The following ARHGAP29 variants were observed in gnomAD, a reference collection of about 807,000 sequenced individuals.
The protein encoded by ARHGAP29 is rho GTPase-activating protein 29.
A neutral mutation model predicts 122.6 loss-of-function variants in ARHGAP29; 43 were observed. The ratio of observed to expected loss-of-function variants is 0.35; its 90% CI spans 0.27 to 0.45. ARHGAP29 has a LOEUF of 0.45. Among genes scored for constraint, ARHGAP29 ranks in the 20% least tolerant of loss-of-function variants. The pLI is 1.00. For synonymous variants in ARHGAP29, 506 were observed against 497.1 expected, an observed-to-expected ratio of 1.02 and a Z score of -0.24; for missense variants, 1,303 against 1,477.2, an observed-to-expected ratio of 0.88 and a Z score of 1.93.
In ARHGAP29 at chr1:94,177,588, T is replaced by C. The variant is rs763138238; in HGVS notation, c.2905+24A>G. The C allele has an allele frequency of 3.2e-6, 3 of 934,636 alleles. No individual in the cohort carries two copies. The South Asian group carries it at 6.7e-5, about 21-fold the overall frequency. The allele number at this position is 934,636 out of a possible 1,614,324, so 57.9% of individuals were successfully genotyped here. On this transcript the variant is annotated intron_variant, in intron 22 of 22. Transcript: ENST00000260526. ...GTAAAATTTTAAGCCAGCAAACATA[T>C]TTTTTTTTTACATGGCTACTCACCA...
At position 94,170,897 on chromosome 1, in the gene ARHGAP29, A is replaced by C. The variant is rs1648695332; in HGVS notation, c.*2972T>G. On this transcript the variant is annotated 3_prime_UTR_variant, in exon 23 of 23. Transcript: ENST00000260526. The stretch of plus-strand genomic sequence containing the variant: ...TGATATTGAAGAGATCTTTCTAAAA[A>C]CTTCCATTTCTGTTAGTTGCTGATA... Among the ~76,000 whole-genome samples the C allele has an allele frequency of 1.3e-5, 2 of 152,150 alleles. No individual in the cohort carries two copies. Among genetic ancestry groups the C allele is most frequent in the African/African-American group, 2.4e-5 (1 of 41,446 alleles).
At chr1:94,242,916 C>CTATACTTTGG (rs1173685255) in intron 1 of ARHGAP29, among the ~76,000 whole-genome samples, 4 of 151,834 alleles carry the variant, frequency 2.6e-5, no homozygotes, top group Non-Finnish European at 5.9e-5. Context: ...CAAAGTAGCT[C>CTATACTTTGG]TATAATATAG....
At chr1:94,237,588 GCCGCCACCGCCCCTGCAGCTA>G, upstream of ARHGAP29, 1 of 989,462 alleles carries the variant, frequency 1.0e-6, no homozygotes, top group Non-Finnish European at 1.2e-6. Flanking sequence ...CACCACTGCA[GCCGCCACCGCCCCTGCAGCTA>G]CCGCCACGGC....
intron 1 of ARHGAP29, among the ~76,000 whole-genome samples, chr1:94,236,032 G>C (rs1330835222): frequency 6.6e-6 from 1 of 152,160 alleles, no homozygotes; most frequent in African/African-American, 2.4e-5. Context: ...AGATATTTCA[G>C]AAATCTGCTA....
At position 94,177,659 on chromosome 1, in the gene ARHGAP29, G is replaced by A; in HGVS notation, c.2858C>T (p.Ser953Leu). 6.2e-7 allele frequency: 1 copy of A among 1,613,240 alleles called. No homozygotes were observed. The highest frequency in any genetic ancestry group is 8.5e-7 in the Non-Finnish European group (1 of 1,179,742). ...IFERATSFEESERKQNALGKC... is the reference protein window; with the variant it reads ...IFERATSFEELERKQNALGKC... ...TCCTAACGCATTTTGCTTGCGTTCT[G>A]ATTCCTCAAATGATGTAGCTCGTTC... The change falls in exon 22 of 23, where the codon TCA (serine) becomes TTA (leucine). Residue 953 changes from serine to leucine, a missense_variant. By Grantham distance (145) the Ser-to-Leu change is moderately radical. Transcript: ENST00000260526.
intron 14 of ARHGAP29, 66 bp from the exon 15 acceptor site, chr1:94,189,007 T>G (rs1343255631): frequency 6.8e-7 from 1 of 1,479,984 alleles, no homozygotes; most frequent in East Asian, 2.3e-5. Flanking sequence ...AATACTGACA[T>G]TCTATCAAGT....
the ARHGAP29 span, among the ~76,000 whole-genome samples, chr1:94,310,061 TA>T: frequency 2.6e-5 from 4 of 152,134 alleles, no homozygotes; most frequent in African/African-American, 9.7e-5. Context: ...AAAATGTCAT[TA>T]AGAATTTTAG....
At chr1:94,257,804 A>G (rs575818373) in intron 1 of ARHGAP29, among the ~76,000 whole-genome samples, 1 of 152,288 alleles carries the variant, frequency 6.6e-6, no homozygotes, top group Admixed American at 6.5e-5. Flanking sequence ...AGCAGCAAGG[A>G]CTAGTTAATA....
At chr1:94,241,643 TA>T (rs1037140159), upstream of ARHGAP29, among the ~76,000 whole-genome samples, 171 of 69,124 alleles carry the variant, frequency 2.5e-3, no homozygotes, top group African/African-American at 6.9e-3. Flanking sequence ...TATATATAAT[TA>T]TATATATATC....
chr1:94,187,024 A>G (rs1472896175), intron 15 of ARHGAP29, among the ~76,000 whole-genome samples: 9 of 152,232 alleles, frequency 5.9e-5, no homozygotes, highest in African/African-American at 2.2e-4. Context: ...AGCTTTCTAC[A>G]ACATACAAAA....
chr1:94,275,454 T>C (rs1655147426), upstream of ARHGAP29, among the ~76,000 whole-genome samples: 1 of 152,142 alleles, frequency 6.6e-6, no homozygotes, highest in South Asian at 2.1e-4. Context: ...TGGTCAGGAG[T>C]TCCTCTTTGT....
chr1:94,210,002 G>A (rs1345584288), intron 3 of ARHGAP29, among the ~76,000 whole-genome samples: 2 of 152,130 alleles, frequency 1.3e-5, no homozygotes, highest in African/African-American at 2.4e-5. Context: ...TTACAATAGA[G>A]ATATTCTAAT....
intron 3 of ARHGAP29, among the ~76,000 whole-genome samples, chr1:94,218,244 G>A (rs1343744595): frequency 6.6e-6 from 1 of 152,106 alleles, no homozygotes; most frequent in Non-Finnish European, 1.5e-5. Context: ...TATTTAAAGT[G>A]TTCTAGTCTC....
At chr1:94,224,427 T>C (rs111886494) in intron 2 of ARHGAP29, among the ~76,000 whole-genome samples, 30 of 152,192 alleles carry the variant, frequency 2.0e-4, no homozygotes, top group African/African-American at 7.2e-4. Context: ...ACGACAACCA[T>C]CAACATTCAA....
At chr1:94,201,682 T>C (rs139127546) in intron 12 of ARHGAP29, 38 bp downstream of exon 12, 25 of 1,611,036 alleles carry the variant, frequency 1.6e-5, no homozygotes, top group Middle Eastern at 1.7e-4. Flanking sequence ...CTGATGGTCT[T>C]TTCTTCTTGC....
At chr1:94,253,472 G>A (rs1442680528) in intron 1 of ARHGAP29, among the ~76,000 whole-genome samples, 3 of 152,230 alleles carry the variant, frequency 2.0e-5, no homozygotes, top group African/African-American at 4.8e-5. Flanking sequence ...ATACTAACAT[G>A]TTTAAATATG....
At chr1:94,178,550 G>A (rs1209543867) in intron 20 of ARHGAP29, among the ~76,000 whole-genome samples, 1 of 152,072 alleles carries the variant, frequency 6.6e-6, no homozygotes, top group African/African-American at 2.4e-5. Flanking sequence ...TCTCCCTTCT[G>A]AAGATCTCAG....
intron 2 of ARHGAP29, among the ~76,000 whole-genome samples, chr1:94,224,167 T>A (rs769601748): frequency 2.0e-5 from 3 of 152,176 alleles, no homozygotes; most frequent in Non-Finnish European, 4.4e-5. Flanking sequence ...GATCTCTTAT[T>A]TGGCACATAC....
chr1:94,208,897 T>C lies in ARHGAP29; in HGVS notation c.445A>G (p.Asn149Asp), dbSNP rs989045761. Reference protein sequence around the residue: ...LAFTFGNILTNFLMGDVGNDS... With the variant: ...LAFTFGNILTDFLMGDVGNDS... ...TTGCCTACATCTCCCATAAGGAAGT[T>C]TGTAAGGCTATCCAAGGAGGTTAAA... Residue 149 changes from asparagine to aspartate, a missense_variant, in exon 5 of 23, where the codon AAC becomes GAC. By Grantham distance (23) the Asn-to-Asp change is conservative (BLOSUM62 1). This residue lies in a region of ARHGAP29 where 592 missense variants were observed against 648.2 expected (regional missense o/e 0.91). Coordinates refer to ENST00000260526, the MANE Select transcript of ARHGAP29 (RefSeq NM_004815.4). 6.2e-7 allele frequency: 1 copy of C among 1,613,716 alleles called. No individual in the cohort carries two copies. Among genetic ancestry groups the C allele is most frequent in the African/African-American group, 1.3e-5 (1 of 74,922 alleles).
Sources: gnomAD v4.1 joint callset for allele counts (sites outside exome capture counted in the v4.1 genomes callset) on GRCh38, gnomAD v4.1.1 for gene constraint, gnomAD v4.1.1 regional missense constraint, MANE v1.5 for transcripts, NCBI Gene and HGNC (gene_info 2026-07-23, HGNC 2026-07-21) for gene names.